Variants in EDIL3 observed in about 807,000 individuals in gnomAD.
EDIL3 encodes the protein EGF like and discoidin domains 3.
A neutral mutation model predicts 67.4 loss-of-function variants in EDIL3; 37 were observed. The ratio of observed to expected loss-of-function variants is 0.55; its 90% CI spans 0.42 to 0.72. The LOEUF (loss-of-function observed/expected upper bound fraction) is 0.72. EDIL3 is among the 30% of genes least tolerant of loss of function. The probability of loss-of-function intolerance (pLI) is 0.00; values close to 1 mark genes in which losing one functional copy is unlikely to be tolerated. For missense variants in EDIL3, 527 were observed against 586.3 expected, an observed-to-expected ratio of 0.90 and a Z score of 1.04; for synonymous variants, 195 against 196.3, an observed-to-expected ratio of 0.99 and a Z score of 0.05.
chr5:84,272,397 A>C (rs775731754), intron 1 of EDIL3, among the ~76,000 whole-genome samples: 1 of 152,182 alleles, frequency 6.6e-6, no homozygotes, highest in South Asian at 2.1e-4. Context: ...AATATACGCT[A>C]AAGTCCTTTT....
intron 4 of EDIL3, among the ~76,000 whole-genome samples, chr5:84,156,730 G>A (rs899338950): frequency 6.6e-6 from 1 of 152,016 alleles, no homozygotes; most frequent in Admixed American, 6.6e-5. Flanking sequence ...GAGGGTGGCA[G>A]CCCCCAAAAT....
chr5:84,033,615 G>A (rs185351381), intron 9 of EDIL3, among the ~76,000 whole-genome samples: 259 of 150,670 alleles, frequency 1.7e-3, no homozygotes, highest in Admixed American at 3.5e-3. Flanking sequence ...GAGGTGGGAG[G>A]ATGGTCTGGA....
intron 9 of EDIL3, among the ~76,000 whole-genome samples, chr5:84,050,368 C>T (rs1437875526): frequency 6.6e-6 from 1 of 152,174 alleles, no homozygotes; most frequent in Non-Finnish European, 1.5e-5. Context: ...CAGCTCCAGT[C>T]TACAGCTCCC....
At chr5:84,281,969 T>A (rs1745713131) in intron 1 of EDIL3, among the ~76,000 whole-genome samples, 1 of 148,824 alleles carries the variant, frequency 6.7e-6, no homozygotes, top group Non-Finnish European at 1.5e-5. Flanking sequence ...CGGATTCAAG[T>A]GATTCTGCTG....
chr5:84,151,491 T>C (rs574816268), intron 4 of EDIL3, among the ~76,000 whole-genome samples: 1 of 152,294 alleles, frequency 6.6e-6, no homozygotes, highest in South Asian at 2.1e-4. Context: ...GGAGCTGTAT[T>C]CATAAAGATG....
intron 9 of EDIL3, among the ~76,000 whole-genome samples, chr5:84,024,464 T>C (rs1445687587): frequency 6.6e-6 from 1 of 152,134 alleles, no homozygotes; most frequent in Non-Finnish European, 1.5e-5. Flanking sequence ...CCATTATATA[T>C]AGGGCCCTGC....
At chr5:83,974,106 A>C (rs533175698) in intron 9 of EDIL3, among the ~76,000 whole-genome samples, 12 of 151,874 alleles carry the variant, frequency 7.9e-5, no homozygotes, top group Non-Finnish European at 1.3e-4. Flanking sequence ...TCATCAGACC[A>C]TGTGAGCCTG....
intron 3 of EDIL3, among the ~76,000 whole-genome samples, chr5:84,199,619 TC>T (rs1219321524): frequency 1.3e-5 from 2 of 152,054 alleles, no homozygotes; most frequent in Non-Finnish European, 2.9e-5. Flanking sequence ...TAACTTTGTT[TC>T]TTTTACCCTG....
At chr5:84,150,248 T>G (rs2112329115) in intron 4 of EDIL3, among the ~76,000 whole-genome samples, 1 of 152,160 alleles carries the variant, frequency 6.6e-6, no homozygotes, top group East Asian at 1.9e-4. Flanking sequence ...AAGAAATCAC[T>G]CAAAATAGAT....
chr5:84,156,672 A>G (rs1166687238), intron 4 of EDIL3, among the ~76,000 whole-genome samples: 1 of 152,076 alleles, frequency 6.6e-6, no homozygotes, highest in Admixed American at 6.6e-5. Flanking sequence ...TTTGAAAACA[A>G]CCTCTTATCA....
chr5:84,000,102 A>C (rs2112168392), intron 9 of EDIL3, among the ~76,000 whole-genome samples: 1 of 152,224 alleles, frequency 6.6e-6, no homozygotes, highest in South Asian at 2.1e-4. Context: ...GCAAACAAAA[A>C]GTGAGGGATT....
chr5:84,071,269 A>G lies in EDIL3; in HGVS notation c.652-4663T>C, dbSNP rs566574279. On this transcript the variant is annotated intron_variant, in intron 6 of 10. Coordinates refer to ENST00000296591, the MANE Select transcript of EDIL3 (RefSeq NM_005711.5). Reference sequence around the variant, plus strand: ...TACATCAACTCAATCCATTTGTAGTAGCTGAAGCTGGGACATGAATTTTAC... The same window carrying G: ...TACATCAACTCAATCCATTTGTAGTGGCTGAAGCTGGGACATGAATTTTAC... Among the ~76,000 whole-genome samples the G allele has an allele frequency of 5.3e-5, 8 of 152,358 alleles. No homozygotes were observed. In the South Asian group the frequency reaches 1.4e-3, roughly 28 times the overall value.
At chr5:84,120,427 T>C (rs1009291433) in intron 5 of EDIL3, among the ~76,000 whole-genome samples, 2 of 152,056 alleles carry the variant, frequency 1.3e-5, no homozygotes, top group East Asian at 3.8e-4. Context: ...GGAAGCTTGA[T>C]AAAACACTAC....
At chr5:84,238,446 T>C (rs1400766896) in intron 2 of EDIL3, among the ~76,000 whole-genome samples, 4 of 152,046 alleles carry the variant, frequency 2.6e-5, no homozygotes, top group Non-Finnish European at 5.9e-5. Flanking sequence ...AGATGAGATA[T>C]TTCCGTGAAA....
At chr5:84,132,418 T>A (rs1180836316) in intron 5 of EDIL3, among the ~76,000 whole-genome samples, 69 of 111,456 alleles carry the variant, frequency 6.2e-4, no homozygotes, top group African/African-American at 2.6e-3. Flanking sequence ...TAACATATAT[T>A]ATATATTTTA....
At chr5:84,094,823 T>A (rs982977356) in intron 6 of EDIL3, among the ~76,000 whole-genome samples, 8 of 152,198 alleles carry the variant, frequency 5.3e-5, no homozygotes, top group African/African-American at 1.9e-4. Flanking sequence ...GGTATATGGT[T>A]TTGCATTTAA....
chr5:84,067,216 T>A (rs914002481), intron 6 of EDIL3, among the ~76,000 whole-genome samples: 9 of 152,162 alleles, frequency 5.9e-5, no homozygotes, highest in Admixed American at 5.9e-4. Flanking sequence ...TTATTATAAG[T>A]AAAATTTCTA....
Position 84,019,367 on chromosome 5 carries a change from G to A in EDIL3, c.1137+40933C>T, listed in dbSNP as rs181584432. ...CAATGAGAACACATGGACACAGGAA[G>A]GGGAACATCACACTCAGGACTGTTG... On this transcript the variant is annotated intron_variant, in intron 9 of 10. Transcript: ENST00000296591. 5.7e-3 allele frequency among the ~76,000 whole-genome samples: 860 copies of A among 151,978 alleles called. 5 individuals are homozygous for A. The highest frequency in any genetic ancestry group is 9.7e-3 in the Non-Finnish European group (658 of 67,966).
In EDIL3 at chr5:83,943,613, C is replaced by T. The variant is rs761661117; in HGVS notation, c.1294-45G>A. ...AAATGTCAGTCACACAGCCTTCTTT[C>T]TTTGAAATTATTTTTATGTTCCTGT... On this transcript the variant is annotated intron_variant, in intron 10 of 10. Coordinates refer to ENST00000296591, the MANE Select transcript of EDIL3 (RefSeq NM_005711.5). The T allele has an allele frequency of 1.6e-5, 25 of 1,592,098 alleles. No individual in the cohort carries two copies. In the South Asian group the frequency reaches 2.7e-4, roughly 17 times the overall value.
Sources: gnomAD v4.1 joint callset for allele counts (sites outside exome capture counted in the v4.1 genomes callset) on GRCh38, gnomAD v4.1.1 for gene constraint, MANE v1.5 for transcripts, NCBI Gene and HGNC (gene_info 2026-07-23, HGNC 2026-07-21) for gene names.